The following PACRG variants were observed in gnomAD, a reference collection of about 807,000 sequenced individuals.
PACRG encodes parkin coregulated gene protein.
Under a neutral mutation model 29.7 loss-of-function variants are expected in PACRG, and 29 were observed. That is an observed-to-expected ratio of 0.98 (90% CI 0.73 to 1.33). PACRG has a LOEUF of 1.33. Among genes scored for constraint, PACRG ranks in the 40% most tolerant of loss-of-function variants. PACRG has a pLI of 0.00. For missense variants in PACRG, 279 were observed against 316.2 expected, an observed-to-expected ratio of 0.88 and a Z score of 0.89; for synonymous variants, 116 against 118.7, an observed-to-expected ratio of 0.98 and a Z score of 0.15.
intron 2 of PACRG, among the ~76,000 whole-genome samples, chr6:163,052,854 G>A (rs1415076564): frequency 6.6e-6 from 1 of 152,036 alleles, no homozygotes; most frequent in East Asian, 1.9e-4. Context: ...CTGACCAAAG[G>A]TCATTGTAAG....
intron 4 of PACRG, among the ~76,000 whole-genome samples, chr6:163,264,491 C>T (rs191493639): frequency 4.5e-4 from 69 of 152,286 alleles, no homozygotes; most frequent in Middle Eastern, 3.4e-3. Flanking sequence ...GCACTCAGCC[C>T]ATGCAAACAG....
intron 4 of PACRG, among the ~76,000 whole-genome samples, chr6:163,216,424 T>G (rs1781366621): frequency 6.6e-6 from 1 of 152,054 alleles, no homozygotes; most frequent in African/African-American, 2.4e-5. Context: ...CAGGCTGCTC[T>G]CAAGAGAAAA....
intron 2 of PACRG, among the ~76,000 whole-genome samples, chr6:162,965,120 A>G (rs1055679752): frequency 5.3e-5 from 8 of 152,210 alleles, no homozygotes; most frequent in African/African-American, 1.9e-4. Flanking sequence ...GAAGGGTTGC[A>G]TCAGTGATTA....
At chr6:163,312,935 T>C (rs1785490310) in intron 4 of PACRG, 1 of 275,356 alleles carries the variant, frequency 3.6e-6, no homozygotes, top group Non-Finnish European at 7.2e-6. Context: ...TAATTTCTTT[T>C]ATAGAGATGG....
At chr6:162,866,841 A>G (rs1301700248) in intron 2 of PACRG, among the ~76,000 whole-genome samples, 1 of 152,232 alleles carries the variant, frequency 6.6e-6, no homozygotes, top group Non-Finnish European at 1.5e-5. Context: ...AGAGATACTC[A>G]TGACAGGAAA....
intron 4 of PACRG, among the ~76,000 whole-genome samples, chr6:163,149,498 T>C (rs1777984007): frequency 6.6e-6 from 1 of 152,174 alleles, no homozygotes; most frequent in African/African-American, 2.4e-5. Flanking sequence ...TCGCTTTGCA[T>C]GGGCTTTTCT....
At position 163,013,262 on chromosome 6, in the gene PACRG, G is replaced by GTTTATTTATTTATTTA. The variant is rs145596005; in HGVS notation, c.292-48872_292-48857dup. 2.6e-3 allele frequency among the ~76,000 whole-genome samples: 389 copies of GTTTATTTATTTATTTA among 150,188 alleles called. 6 individuals are homozygous for GTTTATTTATTTATTTA. The highest frequency in any genetic ancestry group is 8.8e-3 in the African/African-American group (359 of 40,668). ...AACCTGGATGGTAATTTGACTTAAA[G>GTTTATTTATTTATTTA]TTTATTTATTTATTTATTTATTTAT... On this transcript the variant is annotated intron_variant, in intron 2 of 4. Transcript: ENST00000366888.
chr6:162,770,702 T>C (rs2128302004), intron 1 of PACRG, among the ~76,000 whole-genome samples: 1 of 152,270 alleles, frequency 6.6e-6, no homozygotes, highest in East Asian at 1.9e-4. Flanking sequence ...CTCACACTAC[T>C]TTTTGCTTAA....
At chr6:162,957,362 C>T in intron 2 of PACRG, 1 of 619,006 alleles carries the variant, frequency 1.6e-6, no homozygotes, top group Non-Finnish European at 2.8e-6. Flanking sequence ...GCCCTGCTGA[C>T]ATGTTTTTTT....
chr6:163,178,799 C>T (rs1225740020), intron 4 of PACRG, among the ~76,000 whole-genome samples: 1 of 152,160 alleles, frequency 6.6e-6, no homozygotes. Context: ...CACAGAAAAG[C>T]AAGAACTAGG....
At chr6:163,309,200 C>T (rs911756131) in intron 4 of PACRG, among the ~76,000 whole-genome samples, 8 of 152,214 alleles carry the variant, frequency 5.3e-5, no homozygotes, top group Non-Finnish European at 7.3e-5. Flanking sequence ...AAAGTGGCTA[C>T]GCCTGGCAGC....
intron 4 of PACRG, among the ~76,000 whole-genome samples, chr6:163,171,225 A>T (rs1328575130): frequency 6.6e-6 from 1 of 152,206 alleles, no homozygotes; most frequent in Non-Finnish European, 1.5e-5. Flanking sequence ...TTGAAGAAAG[A>T]TAAAGAAGCT....
intron 2 of PACRG, among the ~76,000 whole-genome samples, chr6:162,880,961 C>T (rs952704048): frequency 2.6e-4 from 40 of 152,204 alleles, no homozygotes; most frequent in Non-Finnish European, 3.2e-4. Context: ...CACAGAGCCA[C>T]GCTCTGTCTG....
chr6:163,166,184 C>G (rs1268718189), intron 4 of PACRG: 1 of 456,208 alleles, frequency 2.2e-6, no homozygotes, highest in East Asian at 6.9e-5. Flanking sequence ...CTCGTTTCCT[C>G]TGCATCTGCC....
chr6:163,167,217 G>A (rs1007461765), intron 4 of PACRG, among the ~76,000 whole-genome samples: 10 of 152,160 alleles, frequency 6.6e-5, no homozygotes, highest in African/African-American at 2.4e-4. Flanking sequence ...TAAGCTTATA[G>A]TTTGCCATTA....
chr6:162,857,148 C>G (rs1358849264), intron 2 of PACRG, among the ~76,000 whole-genome samples: 1 of 152,152 alleles, frequency 6.6e-6, no homozygotes, highest in Admixed American at 6.5e-5. Context: ...AGCCTTTGAG[C>G]TCCGGAATAG....
chr6:162,799,235 T>C (rs1584394650), intron 1 of PACRG, among the ~76,000 whole-genome samples: 1 of 152,324 alleles, frequency 6.6e-6, no homozygotes, highest in Middle Eastern at 3.4e-3. Flanking sequence ...TAATAAAATG[T>C]AAATGAAAAT....
chr6:163,216,029 G>A (rs1781348353), intron 4 of PACRG, among the ~76,000 whole-genome samples: 1 of 152,216 alleles, frequency 6.6e-6, no homozygotes, highest in Non-Finnish European at 1.5e-5. Flanking sequence ...GCCCGGCTGG[G>A]AAGAGAAGGA....
chr6:163,231,219 A>G (rs757950776), intron 4 of PACRG, among the ~76,000 whole-genome samples: 1 of 152,182 alleles, frequency 6.6e-6, no homozygotes, highest in East Asian at 1.9e-4. Flanking sequence ...CGTCCTCCAA[A>G]ATTGCTTCCT....
Sources: gnomAD v4.1 joint callset for allele counts (sites outside exome capture counted in the v4.1 genomes callset) on GRCh38, gnomAD v4.1.1 for gene constraint, MANE v1.5 for transcripts, NCBI Gene and HGNC (gene_info 2026-07-23, HGNC 2026-07-21) for gene names.